The following SAMD14 variants were observed in gnomAD, a reference collection of about 807,000 sequenced individuals.
SAMD14 encodes sterile alpha motif domain containing 14, also known as sterile alpha motif domain-containing protein 14.
Under a neutral mutation model 46.2 loss-of-function variants are expected in SAMD14, and 27 were observed. The observed-to-expected ratio is 0.58, with a 90% CI of 0.43 to 0.81. The LOEUF is 0.81. Among genes scored for constraint, SAMD14 ranks in the 30% least tolerant of loss-of-function variants. The pLI is 0.00. For missense variants in SAMD14, 559 were observed against 582.2 expected (o/e 0.96, Z 0.41); for synonymous variants, 241 against 254.3 (o/e 0.95, Z 0.50).
chr17:50,123,250 G>A (rs915869057), intron 2 of SAMD14, among the ~76,000 whole-genome samples: 1 of 152,210 alleles, frequency 6.6e-6, no homozygotes, highest in Non-Finnish European at 1.5e-5. Context: ...AGCTCTGTTG[G>A]TAAGCATTAA....
chr17:50,125,009 C>A, intron 1 of SAMD14, 38 bp from the exon 2 acceptor site: 1 of 1,597,266 alleles, frequency 6.3e-7, no homozygotes, highest in Non-Finnish European at 8.6e-7. Context: ...AAAAAGAGAG[C>A]CTGGGTTAGA....
chr17:50,110,246 G>T lies in SAMD14; in HGVS notation c.*2647C>A, dbSNP rs767018747. Reference sequence around the variant, plus strand: ...TCTATGGAAGTCACTGCGGTGATAGGTCTGTGATGGTCCCTAAGTGCCAGT... The same window carrying T: ...TCTATGGAAGTCACTGCGGTGATAGTTCTGTGATGGTCCCTAAGTGCCAGT... On this transcript the variant is annotated 3_prime_UTR_variant, in exon 10 of 10. Coordinates refer to ENST00000330175, the MANE Select transcript of SAMD14 (RefSeq NM_001257359.2). The T allele has an allele frequency of 1.3e-5, 10 of 788,476 alleles. No homozygotes were observed. The highest frequency in any genetic ancestry group is 1.9e-5 in the Non-Finnish European group (10 of 530,374). The allele number at this position is 788,476 out of a possible 1,614,324, so 48.8% of individuals were successfully genotyped here.
chr17:50,113,132 G>C, intron 9 of SAMD14, 84 bp from the exon 10 acceptor site: 2 of 1,511,428 alleles, frequency 1.3e-6, no homozygotes, highest in Non-Finnish European at 1.8e-6. Flanking sequence ...TTTGCCCCAG[G>C]TGTACTCTGT....
intron 1 of SAMD14, among the ~76,000 whole-genome samples, chr17:50,126,672 A>C (rs1225682216): frequency 6.6e-6 from 1 of 152,192 alleles, no homozygotes. Context: ...ACTGAGAAAC[A>C]GGAGATGAGA....
At chr17:50,119,737 C>G (rs1360712930) in intron 2 of SAMD14, among the ~76,000 whole-genome samples, 1 of 152,170 alleles carries the variant, frequency 6.6e-6, no homozygotes, top group Non-Finnish European at 1.5e-5. Context: ...CAGCCCTAAG[C>G]TACCCTTCTT....
intron 2 of SAMD14, among the ~76,000 whole-genome samples, chr17:50,121,360 C>T (rs958079110): frequency 1.3e-5 from 2 of 151,990 alleles, no homozygotes; most frequent in African/African-American, 2.4e-5. Context: ...CTCTGCCACC[C>T]AGGCTAGAGT....
At chr17:50,113,826 G>A in intron 9 of SAMD14, 98 bp downstream of exon 9, 1 of 1,433,276 alleles carries the variant, frequency 7.0e-7, no homozygotes, top group Non-Finnish European at 9.7e-7. Flanking sequence ...AGCCCAGGAG[G>A]CTGGGCTGAG....
chr17:50,121,153 A>T (rs1392010894), intron 2 of SAMD14, among the ~76,000 whole-genome samples: 1 of 152,042 alleles, frequency 6.6e-6, no homozygotes, highest in Non-Finnish European at 1.5e-5. Context: ...CTCTGGACCG[A>T]ACTGCCTTAG....
At chr17:50,119,081 G>A (rs185297744) in intron 2 of SAMD14, among the ~76,000 whole-genome samples, 277 of 152,314 alleles carry the variant, frequency 1.8e-3, no homozygotes, top group African/African-American at 6.4e-3. Flanking sequence ...AGGGCTTGCA[G>A]TTGGAGTGGA....
At chr17:50,120,568 C>T (rs1382036877) in intron 2 of SAMD14, among the ~76,000 whole-genome samples, 1 of 152,214 alleles carries the variant, frequency 6.6e-6, no homozygotes, top group East Asian at 1.9e-4. Context: ...CTGTTCAGAA[C>T]CCTCCAGTGA....
chr17:50,112,974 C>T lies in SAMD14; in HGVS notation c.1173G>A (p.Glu391=), dbSNP rs758762976. ...RKLKEMAAAA[E]KERKAQEKAA... is the part of the protein sequence containing the mutation. The stretch of plus-strand genomic sequence containing the variant: ...CCTTCTCCTGGGCCTTGCGCTCCTT[C>T]TCGGCAGCTGCTGCCATCTCCTTCA... Residue 391 remains glutamate, a synonymous_variant, in exon 10 of 10, where the codon GAG becomes GAA. Transcript: ENST00000330175. 3 of 1,611,820 alleles carry T rather than the reference C, an allele frequency of 1.9e-6. No individual in the cohort carries two copies. Among genetic ancestry groups the T allele is most frequent in the Non-Finnish European group, 1.7e-6 (2 of 1,179,996 alleles).
At chr17:50,125,109 T>G in intron 1 of SAMD14, 138 bp from the exon 2 acceptor site, 1 of 724,848 alleles carries the variant, frequency 1.4e-6, no homozygotes, top group South Asian at 1.6e-5. Context: ...CCTTCTTCTG[T>G]CCCCTGGAAG....
rs111674345 is a variant in SAMD14 at position 50,117,594 on chromosome 17, C to T, written c.312G>A (p.Gly104=). ...AGGSFCLDPP[G]LRRSLDEDEP... is the part of the protein sequence containing the mutation. ...CGTCCTCGTCCAGGCTGCGCCGCAA[C>T]CCCGGAGGATCCAGGCAGAAAGAGC... Residue 104 remains glycine, a synonymous_variant, in exon 4 of 10, where the codon GGG becomes GGA. Coordinates refer to ENST00000330175, the MANE Select transcript of SAMD14 (RefSeq NM_001257359.2). The T allele has an allele frequency of 3.4e-5, 53 of 1,554,558 alleles. 1 individual carries two copies. The highest frequency in any genetic ancestry group is 3.3e-4 in the African/African-American group (24 of 71,976).
chr17:50,117,048 G>C, intron 4 of SAMD14, among the ~76,000 whole-genome samples: 1 of 151,086 alleles, frequency 6.6e-6, no homozygotes, highest in African/African-American at 2.4e-5. Flanking sequence ...AGACGGTCTC[G>C]CTATGTTGCC....
rs1285467557 is a variant in SAMD14, at chr17:50,118,183, C to A, written c.188G>T (p.Gly63Val). The change falls in exon 3 of 10, where the codon GGC (glycine) becomes GTC (valine). Residue 63 changes from glycine to valine, a missense_variant. Coordinates refer to ENST00000330175, the MANE Select transcript of SAMD14 (RefSeq NM_001257359.2). ...DSASSAEDGE[G>V]SDGPGGKVTD... ...AACCTTGCCTCCGGGCCCATCCGAG[C>A]CTTCACCATCCTCCGCGGAGCTGGC... 3 of 1,604,514 alleles carry A rather than the reference C, an allele frequency of 1.9e-6. No individual in the cohort carries two copies. Among genetic ancestry groups the A allele is most frequent in the African/African-American group, 1.3e-5 (1 of 74,716 alleles).
rs905771194 is a variant in SAMD14, at chr17:50,129,904, G to C, written c.-400C>G. 6.6e-6 allele frequency: 1 copy of C among 151,900 alleles called. No individual in the cohort carries two copies. The highest frequency in any genetic ancestry group is 1.5e-5 in the Non-Finnish European group (1 of 67,974). The allele number at this position is 151,900 out of a possible 1,614,324, so 9.4% of individuals were successfully genotyped here. A position where few individuals can be genotyped will look rare whatever the true frequency, so the allele number is the denominator to read the frequency against. On this transcript the variant is annotated 5_prime_UTR_variant, in exon 1 of 10. Coordinates refer to ENST00000330175, the MANE Select transcript of SAMD14 (RefSeq NM_001257359.2). The surrounding 1 kb of genome is among the most constrained non-coding windows in gnomAD (Gnocchi z 5.6). ...CGCCACCTCCCTCCCCGCCCCTGCC[G>C]CCCGCCAGGCCTGGCCGGACGCGGG...
chr17:50,113,372 A>G (rs1017040697), intron 9 of SAMD14: 5 of 331,914 alleles, frequency 1.5e-5, no homozygotes, highest in Non-Finnish European at 2.8e-5. Flanking sequence ...CACTTGCCCA[A>G]GGTCACACAG....
At chr17:50,121,529 G>A (rs1037441090) in intron 2 of SAMD14, among the ~76,000 whole-genome samples, 6 of 152,088 alleles carry the variant, frequency 3.9e-5, no homozygotes, top group African/African-American at 7.2e-5. Context: ...TGTTGGTCAG[G>A]CTGGTCTTGA....
intron 1 of SAMD14, among the ~76,000 whole-genome samples, chr17:50,128,279 C>T (rs1911867730): frequency 6.6e-6 from 1 of 152,116 alleles, no homozygotes; most frequent in East Asian, 1.9e-4. Flanking sequence ...ATTCTCGGTC[C>T]ATCCTGATTC....
Sources: allele counts gnomAD v4.1 joint callset (sites outside exome capture counted in the v4.1 genomes callset), GRCh38; gene constraint gnomAD v4.1.1; non-coding constraint Gnocchi (gnomAD v3.1); transcripts MANE v1.5; gene names NCBI Gene and HGNC (gene_info 2026-07-23, HGNC 2026-07-21).